The following KCNMA1 variants were observed in gnomAD, a reference collection of about 807,000 sequenced individuals.
The protein encoded by KCNMA1 is potassium calcium-activated channel subfamily M alpha 1.
KCNMA1 carries 29 observed loss-of-function variants against 140.0 expected under a neutral mutation model. The observed-to-expected ratio is 0.21, with a 90% CI of 0.15 to 0.28. The LOEUF (loss-of-function observed/expected upper bound fraction) is 0.28, where lower values mean the gene tolerates loss of function less well. KCNMA1 is among the 10% of genes least tolerant of loss of function. The probability of loss-of-function intolerance (pLI) is 1.00; values close to 1 mark genes in which losing one functional copy is unlikely to be tolerated. For synonymous variants in KCNMA1, 612 were observed against 611.9 expected, an observed-to-expected ratio of 1.00 and a Z score of 0.00; for missense variants, 880 against 1,602.2, an observed-to-expected ratio of 0.55 and a Z score of 7.70.
At chr10:76,944,724 C>G (rs1340403374) in intron 23 of KCNMA1, 49 bp downstream of exon 23, 6 of 1,540,604 alleles carry the variant, frequency 3.9e-6, no homozygotes, top group Non-Finnish European at 5.4e-6. Flanking sequence ...CTCTTGCCAG[C>G]CCCTGTCCCC....
chr10:77,363,759 G>T (rs370279587), intron 2 of KCNMA1, among the ~76,000 whole-genome samples: 1 of 151,946 alleles, frequency 6.6e-6, no homozygotes, highest in Non-Finnish European at 1.5e-5. Flanking sequence ...ACTCCTCCCC[G>T]TCTTTGTCCA....
chr10:77,019,519 G>C (rs2092582586), intron 16 of KCNMA1: 2 of 228,096 alleles, frequency 8.8e-6, no homozygotes, highest in East Asian at 1.1e-4. Context: ...TTAAATGACA[G>C]AGCATTAATG....
At chr10:77,316,215 C>G (rs900717849) in intron 2 of KCNMA1, among the ~76,000 whole-genome samples, 1 of 152,090 alleles carries the variant, frequency 6.6e-6, no homozygotes, top group Non-Finnish European at 1.5e-5. Flanking sequence ...TCAACAACAC[C>G]AATTTTGCTG....
intron 1 of KCNMA1, among the ~76,000 whole-genome samples, chr10:77,516,734 G>A (rs1047562732): frequency 4.6e-5 from 7 of 151,818 alleles, no homozygotes; most frequent in Non-Finnish European, 7.3e-5. Flanking sequence ...TCTGGGCTCC[G>A]GCTCCGGTGC....
chr10:77,248,339 C>T (rs1206262983), intron 3 of KCNMA1, among the ~76,000 whole-genome samples: 1 of 152,128 alleles, frequency 6.6e-6, no homozygotes, highest in Non-Finnish European at 1.5e-5. Context: ...ACTTGTGCTA[C>T]AGGATAGTCC....
At chr10:77,342,430 C>T (rs112115023) in intron 2 of KCNMA1, among the ~76,000 whole-genome samples, 2 of 152,246 alleles carry the variant, frequency 1.3e-5, no homozygotes, top group South Asian at 2.1e-4. Flanking sequence ...CCCAAGGCCT[C>T]GATACCATAA....
chr10:77,378,384 C>T (rs16934663), intron 2 of KCNMA1, among the ~76,000 whole-genome samples: 2 of 152,184 alleles, frequency 1.3e-5, no homozygotes, highest in Admixed American at 1.3e-4. Context: ...TTGTCTTAAC[C>T]CTTCAGGGAG....
At chr10:77,197,432 T>C (rs1355112949) in intron 3 of KCNMA1, among the ~76,000 whole-genome samples, 1 of 152,220 alleles carries the variant, frequency 6.6e-6, no homozygotes, top group Non-Finnish European at 1.5e-5. Flanking sequence ...TAATTATTTG[T>C]CATTAGTCTT....
At chr10:77,303,127 TA>T (rs1408414412) in intron 2 of KCNMA1, among the ~76,000 whole-genome samples, 4 of 152,200 alleles carry the variant, frequency 2.6e-5, no homozygotes, top group Admixed American at 1.3e-4. Context: ...CTCTGAACAC[TA>T]AATGAGCTCA....
At chr10:77,390,176 G>A (rs774361953) in intron 2 of KCNMA1, among the ~76,000 whole-genome samples, 1 of 152,214 alleles carries the variant, frequency 6.6e-6, no homozygotes, top group Non-Finnish European at 1.5e-5. Context: ...CTCTATTTAT[G>A]GAGATGCTGA....
At chr10:77,145,910 T>A (rs2098279472) in intron 5 of KCNMA1, among the ~76,000 whole-genome samples, 1 of 152,220 alleles carries the variant, frequency 6.6e-6, no homozygotes, top group African/African-American at 2.4e-5. Flanking sequence ...TTTCCCCAAC[T>A]ATAAAATGGG....
chr10:76,943,641 C>G (rs999707665), intron 23 of KCNMA1, among the ~76,000 whole-genome samples: 1 of 152,180 alleles, frequency 6.6e-6, no homozygotes, highest in African/African-American at 2.4e-5. Flanking sequence ...CACCCCAGTG[C>G]CCATCTCCCA....
intron 23 of KCNMA1, among the ~76,000 whole-genome samples, chr10:76,923,428 C>CAAAA (rs926235292): frequency 1.1e-5 from 1 of 89,194 alleles, no homozygotes; most frequent in Non-Finnish European, 2.2e-5. Flanking sequence ...GACTCCGTCT[C>CAAAA]AAAAAAAAAA....
chr10:77,079,732 C>T (rs961866319), intron 12 of KCNMA1, 182 bp from the exon 13 acceptor site: 18 of 638,746 alleles, frequency 2.8e-5, no homozygotes, highest in Non-Finnish European at 5.1e-5. Flanking sequence ...AGGGATGGGG[C>T]AGAAGCAACT....
chr10:76,935,039 A>G (rs1049053925), intron 23 of KCNMA1, among the ~76,000 whole-genome samples: 2 of 152,226 alleles, frequency 1.3e-5, no homozygotes, highest in Non-Finnish European at 2.9e-5. Flanking sequence ...AAAGACTCCA[A>G]CAGTCATACT....
chr10:77,298,787 CG>C (rs1189150619), intron 2 of KCNMA1, among the ~76,000 whole-genome samples: 1 of 152,112 alleles, frequency 6.6e-6, no homozygotes, highest in Non-Finnish European at 1.5e-5. Context: ...TTCCAGTGCC[CG>C]CCAGAGTGAT....
At chr10:77,015,001 G>A (rs2091714238) in intron 17 of KCNMA1, among the ~76,000 whole-genome samples, 2 of 152,042 alleles carry the variant, frequency 1.3e-5, no homozygotes, top group African/African-American at 4.8e-5. Context: ...TCCACTCTTT[G>A]GGATCTACCC....
chr10:77,164,324 T>C (rs1326046757), intron 5 of KCNMA1, among the ~76,000 whole-genome samples: 1 of 152,238 alleles, frequency 6.6e-6, no homozygotes, highest in Non-Finnish European at 1.5e-5. Flanking sequence ...GGAGGCCAGG[T>C]TGAACACACA....
intron 5 of KCNMA1, among the ~76,000 whole-genome samples, chr10:77,159,333 C>T (rs572349835): frequency 2.6e-5 from 4 of 152,060 alleles, no homozygotes; most frequent in South Asian, 2.1e-4. Context: ...CCTATAGTAT[C>T]GTTGCCTTTT....
Sources: gnomAD v4.1 joint callset for allele counts (sites outside exome capture counted in the v4.1 genomes callset) on GRCh38, gnomAD v4.1.1 for gene constraint, MANE v1.5 for transcripts, NCBI Gene and HGNC (gene_info 2026-07-23, HGNC 2026-07-21) for gene names.